The following UNC13C variants were observed in gnomAD, a reference collection of about 807,000 sequenced individuals.
The protein encoded by UNC13C is unc-13 homolog C.
UNC13C carries 174 observed loss-of-function variants against 245.4 expected under a neutral mutation model. The ratio of observed to expected loss-of-function variants is 0.71; its 90% confidence interval spans 0.63 to 0.80. The LOEUF (loss-of-function observed/expected upper bound fraction) is 0.80. UNC13C is among the 30% of genes least tolerant of loss of function. The pLI, the probability that UNC13C is intolerant of heterozygous loss-of-function variation, is 0.00. For synonymous variants in UNC13C, 992 were observed against 895.1 expected (o/e 1.11, Z -1.93); for missense variants, 2,829 against 2,602.9 (o/e 1.09, Z -1.89).
intron 18 of UNC13C, among the ~76,000 whole-genome samples, chr15:54,399,556 A>C (rs996341945): frequency 4.0e-5 from 6 of 151,784 alleles, no homozygotes; most frequent in Non-Finnish European, 7.4e-5. Context: ...AATTTCTTTT[A>C]GTTTTCTCCA....
intron 4 of UNC13C, among the ~76,000 whole-genome samples, chr15:54,179,768 G>T (rs75018327): frequency 0.018 from 2,669 of 151,908 alleles, 89 homozygotes; most frequent in African/African-American, 0.061. Flanking sequence ...AGTAATAAAT[G>T]GCATCAAGTT....
At chr15:53,864,581 A>G in the UNC13C span, among the ~76,000 whole-genome samples, 1 of 152,200 alleles carries the variant, frequency 6.6e-6, no homozygotes, top group African/African-American at 2.4e-5. Context: ...TTAAACTTTC[A>G]ACATTCTCTC....
At chr15:54,579,024 C>T (rs2681971) in intron 30 of UNC13C, among the ~76,000 whole-genome samples, 3,757 of 152,204 alleles carry the variant, frequency 0.025, 182 homozygotes, top group African/African-American at 0.085. Flanking sequence ...CAAGTTCCAG[C>T]CTCCAGTAAA....
At chr15:54,031,563 T>C (rs1896360144) in intron 2 of UNC13C, among the ~76,000 whole-genome samples, 1 of 152,148 alleles carries the variant, frequency 6.6e-6, no homozygotes, top group Admixed American at 6.5e-5. Flanking sequence ...CAATTTGAAG[T>C]TTCTACATTT....
At chr15:53,960,580 A>G in the UNC13C span, among the ~76,000 whole-genome samples, 1 of 152,292 alleles carries the variant, frequency 6.6e-6, no homozygotes, top group Admixed American at 6.5e-5. Flanking sequence ...TTCTATGAAC[A>G]CACAACACAA....
intron 2 of UNC13C, among the ~76,000 whole-genome samples, chr15:54,032,427 C>A (rs561519668): frequency 2.0e-5 from 3 of 152,106 alleles, no homozygotes; most frequent in African/African-American, 7.2e-5. Context: ...GCCTTCATTG[C>A]GTTGATGAGT....
the UNC13C span, among the ~76,000 whole-genome samples, chr15:53,924,487 A>G: frequency 3.3e-5 from 5 of 152,336 alleles, no homozygotes; most frequent in African/African-American, 1.2e-4. Flanking sequence ...TTATATTTTT[A>G]TGAATTAAGG....
At chr15:54,219,089 A>C (rs572303508) in intron 4 of UNC13C, among the ~76,000 whole-genome samples, 1 of 151,726 alleles carries the variant, frequency 6.6e-6, no homozygotes, top group East Asian at 1.9e-4. Context: ...ACAGAATTTG[A>C]AAAAACTACT....
At chr15:54,544,042 C>A (rs920376315) in intron 26 of UNC13C, among the ~76,000 whole-genome samples, 1 of 152,050 alleles carries the variant, frequency 6.6e-6, no homozygotes, top group African/African-American at 2.4e-5. Flanking sequence ...TGCAAAAATC[C>A]TCAATAAAAT....
chr15:54,177,930 T>C (rs1157113111), intron 4 of UNC13C, among the ~76,000 whole-genome samples: 2 of 152,126 alleles, frequency 1.3e-5, no homozygotes, highest in African/African-American at 2.4e-5. Flanking sequence ...TCTCTTTCTA[T>C]TGCCTTTTCC....
chr15:54,384,874 G>A (rs2039804229), intron 17 of UNC13C, among the ~76,000 whole-genome samples: 1 of 152,036 alleles, frequency 6.6e-6, no homozygotes. Flanking sequence ...TTTCCCAAAA[G>A]AAGATATACA....
intron 4 of UNC13C, among the ~76,000 whole-genome samples, chr15:54,150,462 G>A (rs1325324936): frequency 6.6e-6 from 1 of 152,184 alleles, no homozygotes; most frequent in Admixed American, 6.5e-5. Context: ...AGCACATAAT[G>A]TCCTATGCAC....
intron 25 of UNC13C, among the ~76,000 whole-genome samples, chr15:54,526,198 A>G (rs1445734941): frequency 1.3e-5 from 2 of 152,178 alleles, no homozygotes; most frequent in African/African-American, 2.4e-5. Flanking sequence ...TATATTTTAA[A>G]TGTTTGTTAA....
chr15:54,513,427 C>T (rs1894838240), intron 24 of UNC13C, among the ~76,000 whole-genome samples: 1 of 152,098 alleles, frequency 6.6e-6, no homozygotes, highest in African/African-American at 2.4e-5. Flanking sequence ...TGAATTTAAC[C>T]AGATAAATCA....
chr15:54,439,413 A>G (rs2140987703), intron 19 of UNC13C, among the ~76,000 whole-genome samples: 1 of 152,090 alleles, frequency 6.6e-6, no homozygotes, highest in Non-Finnish European at 1.5e-5. Flanking sequence ...TCTTCAAGGA[A>G]AATGAAAGTT....
At chr15:53,850,065 A>T in the UNC13C span, among the ~76,000 whole-genome samples, 1 of 152,012 alleles carries the variant, frequency 6.6e-6, no homozygotes, top group Non-Finnish European at 1.5e-5. Context: ...CTTGTGCTGC[A>T]GGTTTGCCTT....
At chr15:54,140,297 T>C (rs1382465701) in intron 2 of UNC13C, among the ~76,000 whole-genome samples, 8 of 152,220 alleles carry the variant, frequency 5.3e-5, no homozygotes, top group Admixed American at 2.0e-4. Flanking sequence ...TTCAGATTTT[T>C]AGCTATTCCA....
chr15:54,320,284 C>T (rs770399008), intron 13 of UNC13C, among the ~76,000 whole-genome samples: 8 of 151,952 alleles, frequency 5.3e-5, no homozygotes, highest in African/African-American at 1.7e-4. Flanking sequence ...GAAACTCCTG[C>T]GCAGTTGCTT....
the UNC13C span, among the ~76,000 whole-genome samples, chr15:53,969,151 A>G: frequency 6.6e-6 from 1 of 152,180 alleles, no homozygotes; most frequent in Non-Finnish European, 1.5e-5. Context: ...AAGGCACAGC[A>G]GGGGAAAGTG....
Sources: allele counts gnomAD v4.1 joint callset (sites outside exome capture counted in the v4.1 genomes callset), GRCh38; gene constraint gnomAD v4.1.1; transcripts MANE v1.5; gene names NCBI Gene and HGNC (gene_info 2026-07-23, HGNC 2026-07-21).